Variants in ABCC4 observed in about 807,000 individuals in gnomAD.
The protein encoded by ABCC4 is ATP binding cassette subfamily C member 4 (PEL blood group).
A neutral mutation model predicts 168.5 loss-of-function variants in ABCC4; 102 were observed. The observed-to-expected ratio is 0.61, with a 90% CI of 0.52 to 0.71. The LOEUF (loss-of-function observed/expected upper bound fraction) is 0.71. ABCC4 is among the 30% of genes least tolerant of loss of function. The pLI, the probability that ABCC4 is intolerant of heterozygous loss-of-function variation, is 0.00. For missense variants in ABCC4, 1,402 were observed against 1,605.8 expected (o/e 0.87, Z 2.17); for synonymous variants, 617 against 590.7 (o/e 1.04, Z -0.65).
rs2041263701 is a variant in ABCC4 at position 95,286,672 on chromosome 13, TA to T, written c.74+14568del. Among the ~76,000 whole-genome samples the T allele has an allele frequency of 2.6e-5, 4 of 152,136 alleles. No individual in the cohort carries two copies. In the South Asian group the frequency reaches 8.3e-4, roughly 32 times the overall value. ...GAGGTGAGGGAGAAAAATTAGTGTA[TA>T]AGGCCGGGCGCGGAGGCTCACGCCT... On this transcript the variant is annotated intron_variant, in intron 1 of 30. Transcript: ENST00000645237.
chr13:95,104,982 T>C (rs1377199714), intron 20 of ABCC4, among the ~76,000 whole-genome samples: 1 of 152,156 alleles, frequency 6.6e-6, no homozygotes, highest in African/African-American at 2.4e-5. Context: ...GCCCATTACA[T>C]TTATTGTGTA....
intron 19 of ABCC4, among the ~76,000 whole-genome samples, chr13:95,148,333 C>A (rs1377886869): frequency 1.3e-5 from 2 of 152,062 alleles, no homozygotes; most frequent in Non-Finnish European, 1.5e-5. Context: ...CACATTTGGG[C>A]AGGCTGATTC....
At chr13:95,136,452 G>A (rs2036148113) in intron 19 of ABCC4, among the ~76,000 whole-genome samples, 1 of 152,162 alleles carries the variant, frequency 6.6e-6, no homozygotes, top group Non-Finnish European at 1.5e-5. Context: ...ACCGTACCCG[G>A]CCAGATCTCA....
At position 95,173,546 on chromosome 13, in the gene ABCC4, C is replaced by G. The variant is rs186567297; in HGVS notation, c.1728-2918G>C. Among the ~76,000 whole-genome samples the G allele has an allele frequency of 4.6e-5, 7 of 152,334 alleles. No homozygotes were observed. The East Asian group carries it at 1.3e-3, about 29-fold the overall frequency. On this transcript the variant is annotated intron_variant, in intron 13 of 30. Transcript: ENST00000645237. ...ACAGGCAGACGTGAGAAATTCACAC[C>G]TCCTTCCAGGCACCCCAAAGAAGTG...
chr13:95,252,548 A>AC (rs1372687033), intron 1 of ABCC4, among the ~76,000 whole-genome samples: 28 of 152,092 alleles, frequency 1.8e-4, no homozygotes. Context: ...GGTGGCAGGC[A>AC]CCTGTGATCC....
chr13:95,184,561 C>G (rs556607460), intron 11 of ABCC4, among the ~76,000 whole-genome samples: 133 of 152,312 alleles, frequency 8.7e-4, no homozygotes, highest in African/African-American at 2.4e-3. Flanking sequence ...CAACATTCAA[C>G]TCTTGAAACC....
chr13:95,085,661 T>A (rs2034233183), intron 20 of ABCC4, among the ~76,000 whole-genome samples: 1 of 152,178 alleles, frequency 6.6e-6, no homozygotes, highest in Non-Finnish European at 1.5e-5. Context: ...ACCACCTGCA[T>A]CTTGACCCAC....
chr13:95,179,021 A>T (rs2037803529), intron 11 of ABCC4, among the ~76,000 whole-genome samples: 1 of 152,226 alleles, frequency 6.6e-6, no homozygotes, highest in African/African-American at 2.4e-5. Flanking sequence ...AGGGACGCAG[A>T]TTCAAGAGAT....
intron 11 of ABCC4, among the ~76,000 whole-genome samples, chr13:95,184,442 A>T (rs1310337617): frequency 6.6e-6 from 1 of 152,234 alleles, no homozygotes; most frequent in Non-Finnish European, 1.5e-5. Flanking sequence ...GGTGCCTGGC[A>T]GAGGGGAAAA....
chr13:95,170,732 A>G, intron 13 of ABCC4, 104 bp from the exon 14 acceptor site: 1 of 658,760 alleles, frequency 1.5e-6, no homozygotes, highest in Non-Finnish European at 2.5e-6. Flanking sequence ...CAGTAGTCAA[A>G]GATCTAGAGG....
chr13:95,033,797 G>A (rs9590165), intron 30 of ABCC4, among the ~76,000 whole-genome samples: 1 of 151,834 alleles, frequency 6.6e-6, no homozygotes, highest in Admixed American at 6.6e-5. Flanking sequence ...GAGTAGCTGG[G>A]GTTACAGGCA....
At chr13:95,245,854 C>T (rs1461174612) in intron 3 of ABCC4, among the ~76,000 whole-genome samples, 2 of 148,058 alleles carry the variant, frequency 1.4e-5, no homozygotes, top group African/African-American at 4.9e-5. Context: ...GGAGCAAACC[C>T]CCCCACATAC....
intron 30 of ABCC4, among the ~76,000 whole-genome samples, chr13:95,022,529 C>A (rs540547738): frequency 6.6e-6 from 1 of 152,130 alleles, no homozygotes; most frequent in Non-Finnish European, 1.5e-5. Flanking sequence ...GAAATAATGT[C>A]AAGACTTGTG....
chr13:95,133,430 T>A (rs2036042463), intron 19 of ABCC4, among the ~76,000 whole-genome samples: 1 of 152,030 alleles, frequency 6.6e-6, no homozygotes, highest in Admixed American at 6.6e-5. Flanking sequence ...AACATTTTTT[T>A]AAAAAAACTT....
chr13:95,211,532 C>A (rs1380242322), intron 4 of ABCC4, among the ~76,000 whole-genome samples: 3 of 152,078 alleles, frequency 2.0e-5, no homozygotes, highest in Admixed American at 6.5e-5. Flanking sequence ...GTGGAGGCTG[C>A]TGAATAAAGA....
At chr13:95,170,775 T>C in intron 13 of ABCC4, 147 bp from the exon 14 acceptor site, 1 of 505,754 alleles carries the variant, frequency 2.0e-6, no homozygotes, top group Non-Finnish European at 3.4e-6. Flanking sequence ...TATAAGCCAA[T>C]AAAGCCGGCT....
At chr13:95,047,549 AGCTCACTGCAATCTCT>A (rs1251743239) in intron 27 of ABCC4, among the ~76,000 whole-genome samples, 1 of 125,246 alleles carries the variant, frequency 8.0e-6, no homozygotes, top group East Asian at 2.3e-4. Context: ...GTGCGATCTC[AGCTCACTGCAATCTCT>A]GCCTCCCAGG....
chr13:95,208,801 G>A (rs2038863990), intron 6 of ABCC4, among the ~76,000 whole-genome samples: 1 of 151,680 alleles, frequency 6.6e-6, no homozygotes, highest in South Asian at 2.1e-4. Flanking sequence ...TTTAAATTTA[G>A]TAGAGACGGA....
chr13:95,034,466 AC>A, intron 30 of ABCC4, 138 bp downstream of exon 30: 1 of 1,274,122 alleles, frequency 7.8e-7, no homozygotes, highest in Non-Finnish European at 1.0e-6. Context: ...TGCCGTTAAG[AC>A]CCACTCATGA....
Sources: allele counts gnomAD v4.1 joint callset (sites outside exome capture counted in the v4.1 genomes callset), GRCh38; gene constraint gnomAD v4.1.1; transcripts MANE v1.5; gene names NCBI Gene and HGNC (gene_info 2026-07-23, HGNC 2026-07-21).